Variants in ERBIN observed in about 807,000 individuals in gnomAD.
The protein encoded by ERBIN is densin-180-like protein.
ERBIN carries 60 observed loss-of-function variants against 158.4 expected under a neutral mutation model. That is an observed-to-expected ratio of 0.38 (90% CI 0.31 to 0.47). ERBIN has a LOEUF of 0.47. ERBIN is among the 20% of genes least tolerant of loss of function. ERBIN has a pLI of 0.99. For synonymous variants in ERBIN, 594 were observed against 557.2 expected (o/e 1.07, Z -0.93); for missense variants, 1,610 against 1,648.0 (o/e 0.98, Z 0.40).
intron 8 of ERBIN, 61 bp from the exon 9 acceptor site, chr5:66,023,229 A>C: frequency 2.5e-6 from 3 of 1,222,168 alleles, no homozygotes; most frequent in Non-Finnish European, 3.6e-6. Flanking sequence ...TTCTTTTGCC[A>C]GATAAAGACA....
chr5:66,052,197 CAAAA>C (rs200101195), intron 20 of ERBIN, among the ~76,000 whole-genome samples: 3 of 59,230 alleles, frequency 5.1e-5, no homozygotes, highest in Admixed American at 1.9e-4. Flanking sequence ...GACCCGGTCT[CAAAA>C]AAAAAAAAAA....
At chr5:66,037,036 C>T (rs116010348) in intron 14 of ERBIN, among the ~76,000 whole-genome samples, 16 of 152,222 alleles carry the variant, frequency 1.1e-4, no homozygotes, top group Non-Finnish European at 2.1e-4. Context: ...AGTTGTGCAA[C>T]AATTACAACA....
intron 1 of ERBIN, among the ~76,000 whole-genome samples, chr5:65,957,098 C>T (rs1429836390): frequency 1.3e-5 from 2 of 151,962 alleles, no homozygotes; most frequent in Admixed American, 1.3e-4. Flanking sequence ...TTATTTTTTG[C>T]TATTATAATT....
intron 21 of ERBIN, among the ~76,000 whole-genome samples, chr5:66,058,306 T>C (rs1759852531): frequency 6.6e-6 from 1 of 152,056 alleles, no homozygotes; most frequent in African/African-American, 2.4e-5. Flanking sequence ...TGAGCACTTT[T>C]TCATGTGTTT....
At chr5:66,073,857 A>G (rs1295864404) in intron 22 of ERBIN, among the ~76,000 whole-genome samples, 1 of 151,988 alleles carries the variant, frequency 6.6e-6, no homozygotes, top group African/African-American at 2.4e-5. Flanking sequence ...ATATGCAAAT[A>G]TTTGTAATAT....
In ERBIN at chr5:66,069,281, T is replaced by A. The variant is rs1482350977; in HGVS notation, c.3634-2888T>A. 2.0e-5 allele frequency among the ~76,000 whole-genome samples: 3 copies of A among 152,204 alleles called. No individual in the cohort carries two copies. In the East Asian group the frequency reaches 5.8e-4, roughly 29 times the overall value. On this transcript the variant is annotated intron_variant, in intron 21 of 25. Transcript: ENST00000284037. ...GTGAACAATAGGAATAACTGAGAGATCTTCAAAAACTATTCTTTGTAGTAT... is the reference window on the plus strand; with the variant it reads ...GTGAACAATAGGAATAACTGAGAGAACTTCAAAAACTATTCTTTGTAGTAT...
At chr5:66,062,441 G>A (rs570540821) in intron 21 of ERBIN, among the ~76,000 whole-genome samples, 1 of 152,108 alleles carries the variant, frequency 6.6e-6, no homozygotes, top group Non-Finnish European at 1.5e-5. Context: ...TTATCCATTA[G>A]TCTAATTTTT....
In ERBIN at chr5:66,018,492, TTATATA is replaced by T. The variant is rs1334243573; in HGVS notation, c.534-2829_534-2824del. ...TATATATTATATATTATATATTATA[TTATATA>T]ATATATATTATATATTATATAATAT... is the stretch of plus-strand genomic sequence containing the variant. On this transcript the variant is annotated intron_variant, in intron 7 of 25. Transcript: ENST00000284037. Among the ~76,000 whole-genome samples, 75 of 8,384 alleles carry T rather than the reference TTATATA, an allele frequency of 8.9e-3. 27 individuals carry two copies. Among genetic ancestry groups the T allele is most frequent in the Non-Finnish European group, 0.014 (59 of 4,252 alleles). 5.5% of individuals were successfully genotyped at this position (8,384 alleles called of 152,430 possible). A position where few individuals can be genotyped will look rare whatever the true frequency, so the allele number is the denominator to read the frequency against.
intron 1 of ERBIN, among the ~76,000 whole-genome samples, chr5:65,951,747 A>G (rs1015604460): frequency 6.6e-6 from 1 of 152,242 alleles, no homozygotes; most frequent in Non-Finnish European, 1.5e-5. Context: ...CTGTGGTTAC[A>G]GTTATAACAG....
chr5:66,018,526 AT>A (rs1289910943), intron 7 of ERBIN, among the ~76,000 whole-genome samples: 97 of 5,344 alleles, frequency 0.018, 33 homozygotes, highest in African/African-American at 0.078. Flanking sequence ...TATAATATAT[AT>A]TATATTATAT....
At chr5:65,932,942 C>T (rs903862623) in intron 1 of ERBIN, among the ~76,000 whole-genome samples, 4 of 152,072 alleles carry the variant, frequency 2.6e-5, no homozygotes, top group Admixed American at 1.3e-4. Flanking sequence ...AGGCATGCAC[C>T]ACCATGCCCG....
rs1252390184 is a variant in ERBIN at position 66,038,501 on chromosome 5, A to T, written c.1306+19A>T. Reference sequence around the variant, plus strand: ...GAGGATGGTAGGAATTTCATAATCGATTTTCTTGTTAAAAACAAATACTAA... The same window carrying T: ...GAGGATGGTAGGAATTTCATAATCGTTTTTCTTGTTAAAAACAAATACTAA... On this transcript the variant is annotated intron_variant, in intron 15 of 25. Transcript: ENST00000284037. The T allele has an allele frequency of 1.3e-6, 2 of 1,546,888 alleles. No homozygotes were observed. Among genetic ancestry groups the T allele is most frequent in the Non-Finnish European group, 1.8e-6 (2 of 1,130,450 alleles).
chr5:66,037,421 G>C (rs1026363254), intron 14 of ERBIN, among the ~76,000 whole-genome samples: 1 of 152,152 alleles, frequency 6.6e-6, no homozygotes, highest in African/African-American at 2.4e-5. Flanking sequence ...AGGTAGGAGA[G>C]AATAAAACAC....
intron 22 of ERBIN, among the ~76,000 whole-genome samples, chr5:66,073,910 G>C (rs973786283): frequency 2.0e-5 from 3 of 151,840 alleles, no homozygotes; most frequent in Non-Finnish European, 4.4e-5. Flanking sequence ...ATGGAGTCTC[G>C]CTCTGTCACC....
chr5:66,078,221 C>T (rs1762192288), intron 25 of ERBIN, among the ~76,000 whole-genome samples: 1 of 152,126 alleles, frequency 6.6e-6, no homozygotes. Context: ...TAAGAATTGG[C>T]TGAGAAGTTG....
chr5:66,008,404 G>A lies in ERBIN; in HGVS notation c.308-3645G>A, dbSNP rs1056729850. On this transcript the variant is annotated intron_variant, in intron 4 of 25. Coordinates refer to ENST00000284037, the MANE Select transcript of ERBIN (RefSeq NM_001253697.2). Reference sequence around the variant, plus strand: ...ACTGCACTCCAGTCTGGGCAACAGTGTGAGACTCCATCGCTAAATAAATAA... The same window carrying A: ...ACTGCACTCCAGTCTGGGCAACAGTATGAGACTCCATCGCTAAATAAATAA... Among the ~76,000 whole-genome samples, 3 of 152,186 alleles carry A rather than the reference G, an allele frequency of 2.0e-5. No homozygotes were observed. In the East Asian group the frequency reaches 5.8e-4, roughly 29 times the overall value.
At chr5:65,956,787 T>C (rs1747196243) in intron 1 of ERBIN, among the ~76,000 whole-genome samples, 1 of 152,214 alleles carries the variant, frequency 6.6e-6, no homozygotes, top group Non-Finnish European at 1.5e-5. Flanking sequence ...CAATATTTTT[T>C]CACCCTGAAG....
At position 66,026,363 on chromosome 5, in the gene ERBIN, C is replaced by A; in HGVS notation, c.1082C>A (p.Pro361Gln). The A allele has an allele frequency of 6.2e-7, 1 of 1,601,028 alleles. No homozygotes were observed. The highest frequency in any genetic ancestry group is 8.5e-7 in the Non-Finnish European group (1 of 1,174,324). The change falls in exon 13 of 26, where the codon CCA (proline) becomes CAA (glutamine). Residue 361 changes from proline (P) to glutamine (Q), a missense_variant. Pro to Gln is a moderately conservative substitution (Grantham distance 76, BLOSUM62 -1). This residue lies in a region of ERBIN where 596 missense variants were observed against 711.9 expected (regional missense o/e 0.84). Coordinates refer to ENST00000284037, the MANE Select transcript of ERBIN (RefSeq NM_001253697.2). ...CATTCCAATAAACTTGAGACACTTC[C>A]AGAGGAAATGGGTGATATGCAAAAA... The part of the protein sequence containing the change: ...FLHSNKLETL[P>Q]EEMGDMQKLK...
chr5:66,048,600 A>G lies in ERBIN; in HGVS notation c.1789-67A>G, dbSNP rs1758694075. On this transcript the variant is annotated intron_variant, in intron 18 of 25. Transcript: ENST00000284037. ...TTTGTTTTCCCTTTAAAGTCTTATG[A>G]CTTAATATTTATTTATTTAAAGAAA... 7.1e-6 allele frequency: 6 copies of G among 846,780 alleles called. No individual in the cohort carries two copies. In the South Asian group the frequency reaches 8.0e-5, roughly 11 times the overall value. The allele number at this position is 846,780 out of a possible 1,614,324, so 52.5% of individuals were successfully genotyped here. A position where few individuals can be genotyped will look rare whatever the true frequency, so the allele number is the denominator to read the frequency against.
Sources: gnomAD v4.1 joint callset for allele counts (sites outside exome capture counted in the v4.1 genomes callset) on GRCh38, gnomAD v4.1.1 for gene constraint, gnomAD v4.1.1 regional missense constraint, MANE v1.5 for transcripts, NCBI Gene and HGNC (gene_info 2026-07-23, HGNC 2026-07-21) for gene names.